The following MARK3 variants were observed in gnomAD, a reference collection of about 807,000 sequenced individuals.
MARK3 encodes the protein MAP/microtubule affinity-regulating kinase 3.
A neutral mutation model predicts 90.1 loss-of-function variants in MARK3; 46 were observed. That is an observed-to-expected ratio of 0.51 (90% confidence interval 0.40 to 0.65). The LOEUF (loss-of-function observed/expected upper bound fraction) is 0.65. MARK3 is among the 30% of genes least tolerant of loss of function. The probability of loss-of-function intolerance (pLI) is 0.00; values close to 1 mark genes in which losing one functional copy is unlikely to be tolerated. For missense variants in MARK3, 818 were observed against 947.2 expected (o/e 0.86, Z 1.79); for synonymous variants, 321 against 332.6 (o/e 0.97, Z 0.38).
At chr14:103,412,222 G>T in intron 2 of MARK3, 1 of 875,494 alleles carries the variant, frequency 1.1e-6, no homozygotes, top group Admixed American at 2.0e-5. Context: ...TAACAGCCAG[G>T]TGAATGTTAT....
At chr14:103,470,773 C>T (rs1344542931) in intron 12 of MARK3, among the ~76,000 whole-genome samples, 2 of 151,946 alleles carry the variant, frequency 1.3e-5, no homozygotes, top group African/African-American at 2.4e-5. Context: ...TATTTCTCTT[C>T]TCTGGACATT....
At chr14:103,487,472 A>C (rs1171179709) in intron 14 of MARK3, among the ~76,000 whole-genome samples, 3 of 151,958 alleles carry the variant, frequency 2.0e-5, no homozygotes, top group Non-Finnish European at 4.4e-5. Flanking sequence ...GCCTGTCAGC[A>C]GTGTGCTTCA....
intron 3 of MARK3, among the ~76,000 whole-genome samples, chr14:103,434,524 G>A (rs2092668845): frequency 6.6e-6 from 1 of 152,182 alleles, no homozygotes; most frequent in South Asian, 2.1e-4. Flanking sequence ...GACAGTCTTG[G>A]GAAAAGCTGT....
intron 17 of MARK3, among the ~76,000 whole-genome samples, chr14:103,502,489 C>T (rs1434808666): frequency 6.6e-6 from 1 of 152,142 alleles, no homozygotes; most frequent in Non-Finnish European, 1.5e-5. Context: ...GAGGGACAGC[C>T]CAGGGTGGAT....
rs890640310 is a variant in MARK3, at chr14:103,486,844, G to C, written c.1587-4933G>C. On this transcript the variant is annotated intron_variant, in intron 14 of 17. Transcript: ENST00000429436. ...GCTTGCTTTGTGAAACTCATGATGT[G>C]ACATGGATTAAATTTCTAAAAAGTT... 5.9e-5 allele frequency among the ~76,000 whole-genome samples: 9 copies of C among 152,164 alleles called. No individual in the cohort carries two copies. In the South Asian group the frequency reaches 1.5e-3, roughly 25 times the overall value.
intron 12 of MARK3, among the ~76,000 whole-genome samples, chr14:103,471,991 A>T (rs985348782): frequency 6.6e-6 from 1 of 152,122 alleles, no homozygotes; most frequent in African/African-American, 2.4e-5. Flanking sequence ...CAGGTGGATC[A>T]CGAGGTCAGG....
intron 2 of MARK3, among the ~76,000 whole-genome samples, chr14:103,408,542 C>T (rs1359722729): frequency 6.6e-6 from 1 of 152,152 alleles, no homozygotes; most frequent in Non-Finnish European, 1.5e-5. Flanking sequence ...TCTCCCTGTG[C>T]GAGACCCTTC....
Position 103,385,763 on chromosome 14 carries a change from C to T in MARK3, c.-267C>T, listed in dbSNP as rs569334532. On this transcript the variant is annotated 5_prime_UTR_variant, in exon 1 of 18. Transcript: ENST00000429436. ...GACGCCGGCGGGCCGAAGCGCAGCCCGCCGCCCGCAGGCTCGGCTCCGCCA... is the reference window on the plus strand; with the variant it reads ...GACGCCGGCGGGCCGAAGCGCAGCCTGCCGCCCGCAGGCTCGGCTCCGCCA... 5.4e-4 allele frequency: 204 copies of T among 378,440 alleles called. No homozygotes were observed. The highest frequency in any genetic ancestry group is 3.5e-3 in the African/African-American group (165 of 47,288). The allele number at this position is 378,440 out of a possible 1,614,324, so 23.4% of individuals were successfully genotyped here.
intron 6 of MARK3, among the ~76,000 whole-genome samples, chr14:103,458,090 A>G (rs1188121378): frequency 6.6e-6 from 1 of 152,216 alleles, no homozygotes; most frequent in Non-Finnish European, 1.5e-5. Context: ...GTAAAGGGCC[A>G]GATAGTGAAC....
At chr14:103,473,237 C>CT (rs1405530398) in intron 12 of MARK3, among the ~76,000 whole-genome samples, 1 of 152,104 alleles carries the variant, frequency 6.6e-6, no homozygotes, top group Non-Finnish European at 1.5e-5. Context: ...TCTACAGGGT[C>CT]TTTGAGATGG....
intron 1 of MARK3, among the ~76,000 whole-genome samples, chr14:103,399,714 A>AAAAAAAAAAAAAG (rs1566769106): frequency 1.2e-5 from 1 of 82,122 alleles, no homozygotes; most frequent in Admixed American, 1.5e-4. Flanking sequence ...AAAAAAAAAG[A>AAAAAAAAAAAAAG]AAAAAAAAAA....
intron 15 of MARK3, among the ~76,000 whole-genome samples, chr14:103,494,544 CAAAAAAAAA>C (rs35133138): frequency 1.5e-4 from 13 of 84,620 alleles, no homozygotes; most frequent in Middle Eastern, 6.7e-3. Flanking sequence ...AACTCTGTCT[CAAAAAAAAA>C]AAAAAAAAAA....
At chr14:103,399,025 T>C (rs1423233641) in intron 1 of MARK3, among the ~76,000 whole-genome samples, 1 of 152,178 alleles carries the variant, frequency 6.6e-6, no homozygotes, top group African/African-American at 2.4e-5. Context: ...GTAAACCTGA[T>C]TCTTCTCATG....
Position 103,386,034 on chromosome 14 carries a change from C to G in MARK3, c.5C>G (p.Ser2Cys). 1.2e-6 allele frequency: 2 copies of G among 1,613,796 alleles called. No individual in the cohort carries two copies. Among genetic ancestry groups the G allele is most frequent in the East Asian group, 2.2e-5 (1 of 44,888 alleles). M[S>C]TRTPLPTVNE... ...GCAGAATTAAAGTGCAGTAAAATGT[C>G]CACTAGGACCCCATTGCCAACGGTG... Residue 2 changes from serine (S) to cysteine (C), a missense_variant, in exon 1 of 18, where the codon TCC becomes TGC. By Grantham distance (112) the Ser-to-Cys change is moderately radical. Coordinates refer to ENST00000429436, the MANE Select transcript of MARK3 (RefSeq NM_001128918.3).
At position 103,493,039 on chromosome 14, in the gene MARK3, T is replaced by C. The variant is rs1367507342; in HGVS notation, c.1844+1005T>C. ...CTTACAGGACAGCAGTAGGAGTCTT[T>C]CCCGAGTCTGAAATGATCAGTACCC... On this transcript the variant is annotated intron_variant, in intron 15 of 17. Transcript: ENST00000429436. Among the ~76,000 whole-genome samples, 4 of 152,124 alleles carry C rather than the reference T, an allele frequency of 2.6e-5. No individual in the cohort carries two copies. The East Asian group carries it at 7.7e-4, about 29-fold the overall frequency.
intron 1 of MARK3, among the ~76,000 whole-genome samples, chr14:103,393,277 G>C (rs1262669664): frequency 6.6e-6 from 1 of 152,166 alleles, no homozygotes; most frequent in Non-Finnish European, 1.5e-5. Flanking sequence ...GTGAGCCACT[G>C]TGCCCCGGCT....
intron 14 of MARK3, chr14:103,490,947 C>T (rs1297886590): frequency 1.6e-6 from 2 of 1,270,768 alleles, no homozygotes; most frequent in Non-Finnish European, 2.1e-6. Flanking sequence ...CCAAACCCCT[C>T]CCAGCCTGAC....
intron 2 of MARK3, among the ~76,000 whole-genome samples, chr14:103,426,390 G>C (rs2092405271): frequency 6.6e-6 from 1 of 151,938 alleles, no homozygotes; most frequent in African/African-American, 2.4e-5. Context: ...GGACCAAAAA[G>C]TGTGAGAATG....
chr14:103,458,395 A>T (rs1464343486), intron 6 of MARK3, among the ~76,000 whole-genome samples: 4 of 129,384 alleles, frequency 3.1e-5, no homozygotes, highest in African/African-American at 1.1e-4. Context: ...GGAGGCGGAA[A>T]TTGTAGTGAG....
Sources: allele counts gnomAD v4.1 joint callset (sites outside exome capture counted in the v4.1 genomes callset), GRCh38; gene constraint gnomAD v4.1.1; transcripts MANE v1.5; gene names NCBI Gene and HGNC (gene_info 2026-07-23, HGNC 2026-07-21).